Variants in RUNDC3B observed in about 807,000 individuals in gnomAD.
The protein encoded by RUNDC3B is RUN domain containing 3B, also known as RUN domain-containing protein 3B.
A neutral mutation model predicts 58.4 loss-of-function variants in RUNDC3B; 33 were observed. That is an observed-to-expected ratio of 0.56 (90% confidence interval 0.43 to 0.75). The LOEUF (loss-of-function observed/expected upper bound fraction) is 0.75, where lower values mean the gene tolerates loss of function less well. Ranked by LOEUF, RUNDC3B falls within the 30% of genes least tolerant of loss-of-function variation. RUNDC3B has a pLI of 0.00. For missense variants in RUNDC3B, 501 were observed against 535.7 expected (o/e 0.94, Z 0.64); for synonymous variants, 193 against 195.2 (o/e 0.99, Z 0.10).
At chr7:87,811,091 A>G (rs1228452775) in intron 9 of RUNDC3B, among the ~76,000 whole-genome samples, 1 of 152,154 alleles carries the variant, frequency 6.6e-6, no homozygotes, top group South Asian at 2.1e-4. Context: ...TCTAGGTCAC[A>G]TGAGTTTGTT....
intron 2 of RUNDC3B, among the ~76,000 whole-genome samples, chr7:87,685,147 A>C (rs1827331752): frequency 6.6e-6 from 1 of 152,204 alleles, no homozygotes; most frequent in Non-Finnish European, 1.5e-5. Context: ...TAATGATAAG[A>C]CAAGGCATAG....
At position 87,702,153 on chromosome 7, in the gene RUNDC3B, A is replaced by C. The variant is rs1177662402; in HGVS notation, c.372+1599A>C. On this transcript the variant is annotated intron_variant, in intron 3 of 10. Coordinates refer to ENST00000394654, the MANE Select transcript of RUNDC3B (RefSeq NM_001134405.2). ...GCGAGACTCTGTCTCAAAAAAAAAAAAAAAAAAAAAAAAAAAAAACAGAGA... is the reference window on the plus strand; with the variant it reads ...GCGAGACTCTGTCTCAAAAAAAAAACAAAAAAAAAAAAAAAAAAACAGAGA... Among the ~76,000 whole-genome samples, 3 of 148,378 alleles carry C rather than the reference A, an allele frequency of 2.0e-5. No homozygotes were observed. In the East Asian group the frequency reaches 5.9e-4, roughly 29 times the overall value.
chr7:87,664,842 T>C (rs1825071896), intron 2 of RUNDC3B, among the ~76,000 whole-genome samples: 1 of 152,132 alleles, frequency 6.6e-6, no homozygotes, highest in Non-Finnish European at 1.5e-5. Flanking sequence ...GTTCCTAGAT[T>C]TGGGGAAGAT....
intron 8 of RUNDC3B, among the ~76,000 whole-genome samples, chr7:87,782,058 C>T (rs551822475): frequency 1.3e-5 from 2 of 152,138 alleles, no homozygotes; most frequent in African/African-American, 4.8e-5. Context: ...GGATTGACAC[C>T]AGCTCTTCTT....
chr7:87,664,725 AT>A (rs1307589399), intron 2 of RUNDC3B, among the ~76,000 whole-genome samples: 1 of 152,182 alleles, frequency 6.6e-6, no homozygotes, highest in Non-Finnish European at 1.5e-5. Context: ...ACAGGAAGAA[AT>A]TTAAAAATTT....
intron 2 of RUNDC3B, among the ~76,000 whole-genome samples, chr7:87,674,079 C>T (rs1330998721): frequency 6.6e-6 from 1 of 152,176 alleles, no homozygotes; most frequent in Non-Finnish European, 1.5e-5. Flanking sequence ...GAAGCTGCTG[C>T]ACTGGAAGGG....
chr7:87,756,653 A>G (rs182997611), intron 6 of RUNDC3B, among the ~76,000 whole-genome samples: 1 of 152,098 alleles, frequency 6.6e-6, no homozygotes, highest in East Asian at 1.9e-4. Context: ...TGTAATAATT[A>G]TTTTCTATAT....
intron 10 of RUNDC3B, among the ~76,000 whole-genome samples, chr7:87,822,709 T>TA (rs904525690): frequency 9.9e-5 from 15 of 152,230 alleles, no homozygotes; most frequent in South Asian, 2.1e-4. Flanking sequence ...TATGCAGCCA[T>TA]AAAAAATTGA....
chr7:87,674,093 A>T (rs940912870), intron 2 of RUNDC3B, among the ~76,000 whole-genome samples: 1 of 152,128 alleles, frequency 6.6e-6, no homozygotes, highest in Non-Finnish European at 1.5e-5. Flanking sequence ...GGAAGGGCCA[A>T]GGTGTTTTCA....
At chr7:87,665,612 G>T (rs1442725161) in intron 2 of RUNDC3B, among the ~76,000 whole-genome samples, 2 of 152,032 alleles carry the variant, frequency 1.3e-5, no homozygotes, top group African/African-American at 4.8e-5. Flanking sequence ...ATTTCATGGG[G>T]TTTGGTGTAC....
At chr7:87,647,344 C>G (rs1258163649) in intron 1 of RUNDC3B, among the ~76,000 whole-genome samples, 1 of 151,946 alleles carries the variant, frequency 6.6e-6, no homozygotes, top group Non-Finnish European at 1.5e-5. Flanking sequence ...TTAAAAATTC[C>G]CATTTTCTAA....
At chr7:87,639,018 G>A (rs989457382) in intron 1 of RUNDC3B, among the ~76,000 whole-genome samples, 7 of 152,184 alleles carry the variant, frequency 4.6e-5, no homozygotes, top group African/African-American at 1.7e-4. Context: ...CAGGCGTGAT[G>A]GCAGGCGCCT....
chr7:87,691,676 A>G (rs1167184213), intron 2 of RUNDC3B, among the ~76,000 whole-genome samples: 1 of 152,146 alleles, frequency 6.6e-6, no homozygotes, highest in African/African-American at 2.4e-5. Flanking sequence ...TACGTTTTAT[A>G]TAAAAAATAT....
At chr7:87,739,925 A>G in intron 5 of RUNDC3B, 45 bp downstream of exon 5, 1 of 885,670 alleles carries the variant, frequency 1.1e-6, no homozygotes. Context: ...TCTATATCTT[A>G]ATAGTTTCTA....
chr7:87,736,755 A>G (rs993629516), intron 4 of RUNDC3B, among the ~76,000 whole-genome samples: 40 of 146,646 alleles, frequency 2.7e-4, no homozygotes, highest in African/African-American at 9.7e-4. Flanking sequence ...AAGCAGTACA[A>G]TGTTTTGGTT....
rs577275244 is a variant in RUNDC3B, at chr7:87,646,222, C to G, written c.123-4600C>G. 1.6e-4 allele frequency among the ~76,000 whole-genome samples: 25 copies of G among 152,264 alleles called. No homozygotes were observed. In the South Asian group the frequency reaches 5.0e-3, roughly 30 times the overall value. ...GAAAAATATTTGTGCATTTTGTTGA[C>G]TACTGATTGATCCATATAGGTCTCT... On this transcript the variant is annotated intron_variant, in intron 1 of 10. Transcript: ENST00000394654.
At chr7:87,647,418 A>G (rs989001099) in intron 1 of RUNDC3B, among the ~76,000 whole-genome samples, 1 of 152,218 alleles carries the variant, frequency 6.6e-6, no homozygotes, top group African/African-American at 2.4e-5. Context: ...CTTGAATGCA[A>G]AAGCAGTAAT....
chr7:87,825,195 G>T (rs1837732122), intron 10 of RUNDC3B, among the ~76,000 whole-genome samples: 1 of 151,808 alleles, frequency 6.6e-6, no homozygotes, highest in South Asian at 2.1e-4. Context: ...CTCCAGCCTG[G>T]GTGACAGAGC....
chr7:87,701,501 A>G (rs753542097), intron 3 of RUNDC3B, among the ~76,000 whole-genome samples: 1 of 152,228 alleles, frequency 6.6e-6, no homozygotes, highest in Non-Finnish European at 1.5e-5. Flanking sequence ...GAACTGCATA[A>G]CTTGTATTTT....
Sources: gnomAD v4.1 joint callset for allele counts (sites outside exome capture counted in the v4.1 genomes callset) on GRCh38, gnomAD v4.1.1 for gene constraint, MANE v1.5 for transcripts, NCBI Gene and HGNC (gene_info 2026-07-23, HGNC 2026-07-21) for gene names.